Variants in LRMDA observed in about 807,000 individuals in gnomAD.
LRMDA encodes the protein leucine rich melanocyte differentiation associated.
A neutral mutation model predicts 29.8 loss-of-function variants in LRMDA; 18 were observed. The ratio of observed to expected loss-of-function variants is 0.60; its 90% CI spans 0.42 to 0.90. The LOEUF (loss-of-function observed/expected upper bound fraction) is 0.90, where lower values mean the gene tolerates loss of function less well. Among genes scored for constraint, LRMDA ranks in the 40% least tolerant of loss-of-function variants. The probability of loss-of-function intolerance (pLI) is 0.00; values close to 1 mark genes in which losing one functional copy is unlikely to be tolerated. For missense variants in LRMDA, 273 were observed against 273.9 expected (o/e 1.00, Z 0.02); for synonymous variants, 125 against 109.4 (o/e 1.14, Z -0.89).
intron 2 of LRMDA, among the ~76,000 whole-genome samples, chr10:75,971,514 A>G (rs894799405): frequency 3.3e-5 from 5 of 152,174 alleles, no homozygotes; most frequent in Non-Finnish European, 4.4e-5. Context: ...CCTCTCTGGA[A>G]ATTGTATTTC....
chr10:75,600,685 C>T (rs1031986411), intron 2 of LRMDA, among the ~76,000 whole-genome samples: 3 of 152,044 alleles, frequency 2.0e-5, no homozygotes, highest in African/African-American at 4.8e-5. Flanking sequence ...TCCACAGGGA[C>T]GTGTATGCCA....
At chr10:75,721,906 A>G (rs1042720963) in intron 2 of LRMDA, among the ~76,000 whole-genome samples, 6 of 152,162 alleles carry the variant, frequency 3.9e-5, no homozygotes, top group Non-Finnish European at 7.3e-5. Flanking sequence ...AATGCTGGCA[A>G]TCATTAATTT....
rs116142534 is a variant in LRMDA at position 75,484,290 on chromosome 10, C to A, written c.131+45796C>A. Among the ~76,000 whole-genome samples, 1,324 of 152,186 alleles carry A rather than the reference C, an allele frequency of 8.7e-3. 16 individuals are homozygous for A. Among genetic ancestry groups the A allele is most frequent in the African/African-American group, 0.025 (1,043 of 41,512 alleles). On this transcript the variant is annotated intron_variant, in intron 2 of 6. Transcript: ENST00000611255. ...TTTTCTAACCTACTAATATGATAAA[C>A]AATATTAGATTTCTTAATATTGAGG...
intron 6 of LRMDA, among the ~76,000 whole-genome samples, chr10:76,451,999 G>T (rs1842412696): frequency 6.6e-6 from 1 of 152,090 alleles, no homozygotes; most frequent in African/African-American, 2.4e-5. Context: ...TTCTTCAAAG[G>T]AATGACCTAT....
intron 2 of LRMDA, among the ~76,000 whole-genome samples, chr10:75,821,217 A>T (rs1009848504): frequency 1.3e-5 from 2 of 152,200 alleles, no homozygotes; most frequent in African/African-American, 4.8e-5. Flanking sequence ...ACAAAAAGAG[A>T]AAACTACAGA....
chr10:76,283,698 C>T (rs1840235382), intron 5 of LRMDA, among the ~76,000 whole-genome samples: 1 of 152,148 alleles, frequency 6.6e-6, no homozygotes, highest in African/African-American at 2.4e-5. Flanking sequence ...ATTTGGGGAA[C>T]AGGAAATTGA....
At chr10:76,166,292 C>G (rs1004121446) in intron 5 of LRMDA, among the ~76,000 whole-genome samples, 7 of 152,170 alleles carry the variant, frequency 4.6e-5, no homozygotes, top group African/African-American at 1.7e-4. Flanking sequence ...TAAAATGGTA[C>G]TTGTTCCAAC....
intron 2 of LRMDA, among the ~76,000 whole-genome samples, chr10:75,986,117 G>C (rs1201553190): frequency 1.3e-5 from 2 of 152,214 alleles, no homozygotes; most frequent in East Asian, 3.9e-4. Context: ...GGAGAGCTCT[G>C]AGAGTTAGTG....
chr10:75,808,233 G>A (rs1843892833), intron 2 of LRMDA, among the ~76,000 whole-genome samples: 1 of 152,192 alleles, frequency 6.6e-6, no homozygotes, highest in Non-Finnish European at 1.5e-5. Flanking sequence ...GACAGCACCA[G>A]CTGGAAGATG....
intron 6 of LRMDA, among the ~76,000 whole-genome samples, chr10:76,454,645 C>G (rs1842439781): frequency 7.2e-6 from 1 of 139,488 alleles, no homozygotes; most frequent in Admixed American, 7.3e-5. Flanking sequence ...ACTTTGACTT[C>G]CTTTTTATTT....
intron 5 of LRMDA, among the ~76,000 whole-genome samples, chr10:76,148,183 G>T (rs1355298566): frequency 6.6e-6 from 1 of 152,190 alleles, no homozygotes; most frequent in East Asian, 1.9e-4. Context: ...CAAGCTGCGT[G>T]CTGGGAGAAC....
intron 2 of LRMDA, among the ~76,000 whole-genome samples, chr10:75,761,795 TTTTTTTTTTTTTG>T (rs992836516): frequency 1.1e-4 from 13 of 122,374 alleles, no homozygotes; most frequent in African/African-American, 5.3e-4. Flanking sequence ...TATACTTTTG[TTTTTTTTTTTTTG>T]TTTTTTTTTT....
intron 2 of LRMDA, among the ~76,000 whole-genome samples, chr10:75,757,626 T>C (rs1843047983): frequency 6.6e-6 from 1 of 151,966 alleles, no homozygotes; most frequent in Admixed American, 6.6e-5. Flanking sequence ...TGCAATGAGA[T>C]CATAGTGGAA....
chr10:75,564,450 A>G (rs964550159), intron 2 of LRMDA, among the ~76,000 whole-genome samples: 2 of 152,128 alleles, frequency 1.3e-5, no homozygotes, highest in Non-Finnish European at 2.9e-5. Context: ...CCTTTCTTTG[A>G]CTAGGAAAGG....
At chr10:76,413,546 C>T (rs1841985037) in intron 6 of LRMDA, among the ~76,000 whole-genome samples, 1 of 152,138 alleles carries the variant, frequency 6.6e-6, no homozygotes, top group African/African-American at 2.4e-5. Flanking sequence ...GACCCCATGA[C>T]TCAATTATCT....
intron 5 of LRMDA, among the ~76,000 whole-genome samples, chr10:76,159,261 C>G (rs1342723821): frequency 1.3e-5 from 2 of 152,032 alleles, no homozygotes; most frequent in African/African-American, 4.8e-5. Flanking sequence ...TATTTTGAAC[C>G]AAATGAATAT....
At chr10:75,508,731 C>T (rs1564788553) in intron 2 of LRMDA, among the ~76,000 whole-genome samples, 1 of 152,138 alleles carries the variant, frequency 6.6e-6, no homozygotes, top group Non-Finnish European at 1.5e-5. Flanking sequence ...CCCCTAACAG[C>T]GTTTGAAGGA....
At chr10:75,610,749 G>C (rs1016435401) in intron 2 of LRMDA, among the ~76,000 whole-genome samples, 4 of 152,274 alleles carry the variant, frequency 2.6e-5, no homozygotes, top group African/African-American at 9.6e-5. Context: ...AAAATGTATT[G>C]TTGAACTGAA....
At chr10:75,672,527 T>TTTC (rs1246290141) in intron 2 of LRMDA, among the ~76,000 whole-genome samples, 1 of 4,670 alleles carries the variant, frequency 2.1e-4, no homozygotes, top group Non-Finnish European at 5.2e-4. Flanking sequence ...TTTCTTTTCC[T>TTTC]CCCCTCCCCT....
Sources: gnomAD v4.1 joint callset for allele counts (sites outside exome capture counted in the v4.1 genomes callset) on GRCh38, gnomAD v4.1.1 for gene constraint, MANE v1.5 for transcripts, NCBI Gene and HGNC (gene_info 2026-07-23, HGNC 2026-07-21) for gene names.